SPTA1: variants seen among roughly 807,000 people sequenced by gnomAD.
SPTA1 encodes spectrin alpha chain, erythrocytic 1.
SPTA1 carries 177 observed loss-of-function variants against 324.7 expected under a neutral mutation model. That is an observed-to-expected ratio of 0.55 (90% CI 0.48 to 0.62). The LOEUF is 0.62. Ranked by LOEUF, SPTA1 falls within the 20% of genes least tolerant of loss-of-function variation. SPTA1 has a pLI of 0.00. For synonymous variants in SPTA1, 1,195 were observed against 1,041.3 expected, an observed-to-expected ratio of 1.15 and a Z score of -2.84; for missense variants, 3,162 against 2,883.6, an observed-to-expected ratio of 1.10 and a Z score of -2.21.
intron 39 of SPTA1, among the ~76,000 whole-genome samples, chr1:158,631,454 G>C (rs1023870280): frequency 6.6e-5 from 10 of 152,088 alleles, no homozygotes; most frequent in Admixed American, 1.3e-4. Flanking sequence ...AGGACTTGAG[G>C]GAAAGGGTGG....
intron 11 of SPTA1, among the ~76,000 whole-genome samples, chr1:158,671,731 C>T (rs1654042230): frequency 6.6e-6 from 1 of 152,148 alleles, no homozygotes; most frequent in African/African-American, 2.4e-5. Flanking sequence ...CCTCAAGTGG[C>T]CTACTCACCT....
At chr1:158,619,132 G>C in intron 45 of SPTA1, 90 bp downstream of exon 45, 1 of 1,239,852 alleles carries the variant, frequency 8.1e-7, no homozygotes, top group Non-Finnish European at 1.2e-6. Context: ...TGCTCTCAGA[G>C]TCTCTCCTCT....
intron 50 of SPTA1, among the ~76,000 whole-genome samples, chr1:158,613,264 T>C (rs1161335489): frequency 6.6e-6 from 1 of 152,130 alleles, no homozygotes; most frequent in African/African-American, 2.4e-5. Flanking sequence ...GCACCAGTCC[T>C]CAAATAATTT....
rs1244706458 is a variant in SPTA1, at chr1:158,634,598, T to C, written c.5510A>G (p.Glu1837Gly). 3.7e-6 allele frequency: 6 copies of C among 1,614,182 alleles called. No homozygotes were observed. The Admixed American group carries it at 5.0e-5, about 13-fold the overall frequency. Reference sequence around the variant, plus strand: ...TCCTCGGACAGCCAAAGCATTCTTTTCATTGATCCAAGCTTCCTCTTCCTC... The same window carrying C: ...TCCTCGGACAGCCAAAGCATTCTTTCCATTGATCCAAGCTTCCTCTTCCTC... Reference protein sequence around the residue: ...NAEEEEAWINEKNALAVRGDC... With the variant: ...NAEEEEAWINGKNALAVRGDC... Residue 1837 changes from glutamate to glycine, a missense_variant, in exon 39 of 52, where the codon GAA becomes GGA. Physicochemically the swap from Glu to Gly is moderately conservative, Grantham distance 98. Coordinates refer to ENST00000643759, the MANE Select transcript of SPTA1 (RefSeq NM_003126.4).
intron 27 of SPTA1, 35 bp downstream of exon 27, chr1:158,647,504 G>C: frequency 6.2e-7 from 1 of 1,611,558 alleles, no homozygotes; most frequent in South Asian, 1.1e-5. Context: ...AGTCTACTTA[G>C]AGGCCAGACA....
rs537233052 is a variant in SPTA1 at position 158,638,226 on chromosome 1, G to A, written c.4996C>T (p.Leu1666=). 7.4e-6 allele frequency: 12 copies of A among 1,612,638 alleles called. No individual in the cohort carries two copies. Among genetic ancestry groups the A allele is most frequent in the Non-Finnish European group, 1.0e-5 (12 of 1,179,902 alleles). ...AGCAAATCTTCAGCCAATGTATTCA[G>A]GTCCTTGAGTGCATCCTAGAAAGTC... ...MLAREDALKD[L]NTLAEDLLSS... Residue 1666 remains leucine, a synonymous_variant, in exon 36 of 52, where the codon CTG becomes TTG. Coordinates refer to ENST00000643759, the MANE Select transcript of SPTA1 (RefSeq NM_003126.4).
chr1:158,625,930 A>C (rs1307910111), intron 42 of SPTA1, among the ~76,000 whole-genome samples: 1 of 151,974 alleles, frequency 6.6e-6, no homozygotes, highest in Non-Finnish European at 1.5e-5. Flanking sequence ...AAAAAGCTGA[A>C]TGTTGGTTGT....
intron 21 of SPTA1, 33 bp downstream of exon 21, chr1:158,654,578 C>A (rs766616488): frequency 6.2e-7 from 1 of 1,613,560 alleles, no homozygotes. Flanking sequence ...GAAAGAGCCA[C>A]TTTTTGATGG....
In SPTA1 at chr1:158,647,660, C is replaced by G. The variant is rs1456840108; in HGVS notation, c.3775G>C (p.Asp1259His). 6.2e-7 allele frequency: 1 copy of G among 1,613,946 alleles called. No homozygotes were observed. The highest frequency in any genetic ancestry group is 1.7e-5 in the Admixed American group (1 of 59,986). ...LSESHPDATE[D>H]LQRQKMELNE... ...AGCTCCATTTTCTGTCTCTGCAGGTCCTCAGTGGCATCTGGATGGGACTCA... is the reference window on the plus strand; with the variant it reads ...AGCTCCATTTTCTGTCTCTGCAGGTGCTCAGTGGCATCTGGATGGGACTCA... The change falls in exon 27 of 52, where the codon GAC becomes CAC. Residue 1259 changes from aspartate (D) to histidine (H), a missense_variant. Asp to His is a moderately conservative substitution (Grantham distance 81, BLOSUM62 -1). Transcript: ENST00000643759.
At chr1:158,623,831 AC>A (rs1221399369) in intron 42 of SPTA1, among the ~76,000 whole-genome samples, 9 of 152,218 alleles carry the variant, frequency 5.9e-5, no homozygotes, top group Non-Finnish European at 1.0e-4. Context: ...CTATAAAGAT[AC>A]CTGAAAATGT....
intron 29 of SPTA1, 32 bp from the exon 30 acceptor site, chr1:158,644,428 T>C (rs925615197): frequency 1.2e-6 from 2 of 1,613,284 alleles, no homozygotes; most frequent in African/African-American, 2.7e-5. Flanking sequence ...GGGTATGGTA[T>C]AGTCCATGTG....
chr1:158,636,114 G>A, intron 37 of SPTA1, 80 bp from the exon 38 acceptor site: 1 of 1,610,850 alleles, frequency 6.2e-7, no homozygotes, highest in Non-Finnish European at 8.5e-7. Context: ...AAAGTATCTA[G>A]CCCATCCTAC....
At chr1:158,623,788 C>G (rs902176598) in intron 42 of SPTA1, among the ~76,000 whole-genome samples, 4 of 152,194 alleles carry the variant, frequency 2.6e-5, no homozygotes, top group Non-Finnish European at 5.9e-5. Flanking sequence ...CAGACTAATA[C>G]AGTACATTGG....
intron 45 of SPTA1, 165 bp downstream of exon 45, chr1:158,619,057 T>C (rs1649747860): frequency 2.8e-6 from 2 of 723,746 alleles, no homozygotes; most frequent in Non-Finnish European, 4.9e-6. Context: ...AAGAATTGAT[T>C]CAGAAAACAG....
chr1:158,652,929 T>C (rs1652558106), intron 22 of SPTA1, among the ~76,000 whole-genome samples: 1 of 152,140 alleles, frequency 6.6e-6, no homozygotes, highest in South Asian at 2.1e-4. Flanking sequence ...AAAAGTGACA[T>C]TTTTACATGG....
In SPTA1 at chr1:158,667,974, T is replaced by C; in HGVS notation, c.1922A>G (p.Gln641Arg). 6.2e-7 allele frequency: 1 copy of C among 1,613,986 alleles called. No individual in the cohort carries two copies. Among genetic ancestry groups the C allele is most frequent in the Admixed American group, 1.7e-5 (1 of 59,996 alleles). The change falls in exon 15 of 52, where the codon CAG (glutamine) becomes CGG (arginine). Residue 641 changes from glutamine (Q) to arginine (R), a missense_variant. Physicochemically the swap from Gln to Arg is conservative, Grantham distance 43. Transcript: ENST00000643759. Reference protein sequence around the residue: ...AVNKTQLENIQKTGQEMIEGG... With the variant: ...AVNKTQLENIRKTGQEMIEGG... ...CTCAATCATCTCTTGGCCAGTTTTC[T>C]GTATGTTTTCCAGCTGGGTCTTATT...
chr1:158,657,374 T>A, intron 19 of SPTA1, 103 bp downstream of exon 19: 2 of 1,225,498 alleles, frequency 1.6e-6, no homozygotes, highest in Non-Finnish European at 2.4e-6. Flanking sequence ...CCCCAAATAA[T>A]CTGGCAGAAT....
intron 16 of SPTA1, 69 bp downstream of exon 16, chr1:158,666,247 C>CGTAA: frequency 6.6e-7 from 1 of 1,520,426 alleles, no homozygotes; most frequent in Non-Finnish European, 9.1e-7. Flanking sequence ...TTACTTATTA[C>CGTAA]TTAATAACGA....
chr1:158,614,214 G>C (rs771696025), intron 49 of SPTA1, 39 bp downstream of exon 49: 31 of 1,437,012 alleles, frequency 2.2e-5, no homozygotes, highest in Non-Finnish European at 2.9e-5. Context: ...TGAATAATCT[G>C]AAAAACAAAG....
Sources: gnomAD v4.1 joint callset for allele counts (sites outside exome capture counted in the v4.1 genomes callset) on GRCh38, gnomAD v4.1.1 for gene constraint, MANE v1.5 for transcripts, NCBI Gene and HGNC (gene_info 2026-07-23, HGNC 2026-07-21) for gene names.